Variants in NUDCD1 observed in about 807,000 individuals in gnomAD.
NUDCD1 encodes NudC domain containing 1, also known as nudC domain-containing protein 1.
Under a neutral mutation model 67.8 loss-of-function variants are expected in NUDCD1, and 60 were observed. That is an observed-to-expected ratio of 0.88 (90% CI 0.72 to 1.10). The LOEUF (loss-of-function observed/expected upper bound fraction) is 1.10, where lower values mean the gene tolerates loss of function less well. Ranked by LOEUF, NUDCD1 falls within the 50% of genes least tolerant of loss-of-function variation. The pLI is 0.00. For synonymous variants in NUDCD1, 244 were observed against 230.8 expected (o/e 1.06, Z -0.52); for missense variants, 643 against 695.0 (o/e 0.93, Z 0.84).
intron 5 of NUDCD1, among the ~76,000 whole-genome samples, chr8:109,284,008 C>A (rs112294509): frequency 0.11 from 14,557 of 127,032 alleles, 806 homozygotes; most frequent in Middle Eastern, 0.19. Flanking sequence ...AAAAAAAAAA[C>A]AAAACAAAAA....
rs16879283 is a variant in NUDCD1, at chr8:109,291,804, C to A, written c.640+1540G>T. ...ACGGGATGGAGAAGTAGAGCTGGAG[C>A]AGAGTACTGCTATGTTCTGAGGCAA... On this transcript the variant is annotated intron_variant, in intron 4 of 9. Coordinates refer to ENST00000239690, the MANE Select transcript of NUDCD1 (RefSeq NM_032869.4). Among the ~76,000 whole-genome samples the A allele has an allele frequency of 4.2e-3, 639 of 152,190 alleles. 13 individuals carry two copies. Among genetic ancestry groups the A allele is most frequent in the Admixed American group, 0.027 (406 of 15,280 alleles).
At chr8:109,286,966 A>T (rs1352548007) in intron 5 of NUDCD1, among the ~76,000 whole-genome samples, 3 of 152,160 alleles carry the variant, frequency 2.0e-5, no homozygotes, top group African/African-American at 7.2e-5. Flanking sequence ...AAAGACATGA[A>T]CAGCACTTCG....
At chr8:109,310,796 G>A (rs112819076) in intron 2 of NUDCD1, among the ~76,000 whole-genome samples, 3 of 148,516 alleles carry the variant, frequency 2.0e-5, no homozygotes, top group Middle Eastern at 3.6e-3. Flanking sequence ...GGCTAAGGAC[G>A]TGAATAGACA....
intron 2 of NUDCD1, among the ~76,000 whole-genome samples, chr8:109,298,066 C>T (rs570623354): frequency 1.3e-5 from 2 of 152,168 alleles, no homozygotes; most frequent in African/African-American, 4.8e-5. Flanking sequence ...CGAAACAGCA[C>T]CTTTCCTTCC....
rs193042893 is a variant in NUDCD1, at chr8:109,245,216, G to A, written c.1459+106C>T. 2.2e-4 allele frequency: 231 copies of A among 1,051,272 alleles called. No individual in the cohort carries two copies. In the African/African-American group the frequency reaches 3.0e-3, roughly 13 times the overall value. The allele number at this position is 1,051,272 out of a possible 1,614,324, so 65.1% of individuals were successfully genotyped here. A position where few individuals can be genotyped will look rare whatever the true frequency, so the allele number is the denominator to read the frequency against. On this transcript the variant is annotated intron_variant, in intron 9 of 9. Coordinates refer to ENST00000239690, the MANE Select transcript of NUDCD1 (RefSeq NM_032869.4). ...AATCATAGCGCAAATCAATCTAAAT[G>A]TAATCAGGACAGCTCAAATTAAAAA...
At chr8:109,291,930 A>G (rs2130025316) in intron 4 of NUDCD1, among the ~76,000 whole-genome samples, 1 of 152,252 alleles carries the variant, frequency 6.6e-6, no homozygotes, top group African/African-American at 2.4e-5. Flanking sequence ...TAAGATTTTG[A>G]ATTACGTACC....
At chr8:109,255,778 T>G (rs1813721748) in intron 8 of NUDCD1, among the ~76,000 whole-genome samples, 1 of 150,358 alleles carries the variant, frequency 6.7e-6, no homozygotes, top group Non-Finnish European at 1.5e-5. Flanking sequence ...ATAAAGAGAA[T>G]AAGAGGAATA....
At chr8:109,297,007 G>T (rs1049858793) in intron 2 of NUDCD1, among the ~76,000 whole-genome samples, 5 of 152,086 alleles carry the variant, frequency 3.3e-5, no homozygotes, top group Non-Finnish European at 7.4e-5. Flanking sequence ...TATCGTTTTG[G>T]CTATAAACTC....
In NUDCD1 at chr8:109,259,505, G is replaced by A. The variant is rs368569690; in HGVS notation, c.1299+11500C>T. ...GACAGAGAAAGGGCTCCCTGGAGGAGAAAAATGAGAGCCTTACAGGTTGAT... is the reference window on the plus strand; with the variant it reads ...GACAGAGAAAGGGCTCCCTGGAGGAAAAAAATGAGAGCCTTACAGGTTGAT... On this transcript the variant is annotated intron_variant, in intron 8 of 9. Coordinates refer to ENST00000239690, the MANE Select transcript of NUDCD1 (RefSeq NM_032869.4). 2.4e-3 allele frequency among the ~76,000 whole-genome samples: 373 copies of A among 152,282 alleles called. 6 individuals carry two copies. The South Asian group carries it at 0.031, about 13-fold the overall frequency.
intron 8 of NUDCD1, among the ~76,000 whole-genome samples, chr8:109,251,037 T>C (rs1486413617): frequency 6.6e-6 from 1 of 152,168 alleles, no homozygotes; most frequent in Non-Finnish European, 1.5e-5. Flanking sequence ...TGTAGAGAAT[T>C]GGTATTGTTT....
At chr8:109,262,645 T>C (rs1056576328) in intron 8 of NUDCD1, among the ~76,000 whole-genome samples, 37 of 152,184 alleles carry the variant, frequency 2.4e-4, no homozygotes, top group Non-Finnish European at 1.5e-5. Flanking sequence ...CAATCAATCA[T>C]GGCTCAACTA....
At chr8:109,278,108 A>G (rs957199496) in intron 6 of NUDCD1, among the ~76,000 whole-genome samples, 2 of 152,218 alleles carry the variant, frequency 1.3e-5, no homozygotes, top group Admixed American at 6.5e-5. Context: ...GTTATCCTCT[A>G]TGTAACATCA....
intron 4 of NUDCD1, among the ~76,000 whole-genome samples, chr8:109,291,236 G>C (rs1001540331): frequency 2.6e-5 from 4 of 152,146 alleles, no homozygotes; most frequent in African/African-American, 9.7e-5. Flanking sequence ...GCTCACTGTA[G>C]CCTCAAACTC....
intron 2 of NUDCD1, among the ~76,000 whole-genome samples, chr8:109,317,244 T>A (rs899664588): frequency 6.6e-6 from 1 of 152,188 alleles, no homozygotes; most frequent in African/African-American, 2.4e-5. Context: ...CCAGGAGCAG[T>A]TGCTCATGCC....
rs556027361 is a variant in NUDCD1 at position 109,248,749 on chromosome 8, A to C, written c.1300-3268T>G. On this transcript the variant is annotated intron_variant, in intron 8 of 9. Transcript: ENST00000239690. ...AAAAAAAAAGGTCCACATTGCCTTA[A>C]ATGGCATTTTGAAAGCTTTTCGAAA... is the stretch of plus-strand genomic sequence containing the variant. 1.1e-3 allele frequency among the ~76,000 whole-genome samples: 167 copies of C among 152,140 alleles called. 1 individual carries two copies. The highest frequency in any genetic ancestry group is 3.9e-3 in the African/African-American group (163 of 41,544).
At chr8:109,276,035 T>C (rs938873418) in intron 6 of NUDCD1, among the ~76,000 whole-genome samples, 1 of 152,146 alleles carries the variant, frequency 6.6e-6, no homozygotes, top group Non-Finnish European at 1.5e-5. Context: ...AGATGTTAAA[T>C]AACTGAAAAG....
intron 5 of NUDCD1, among the ~76,000 whole-genome samples, chr8:109,286,001 T>C (rs1316166017): frequency 6.6e-6 from 1 of 151,900 alleles, no homozygotes; most frequent in African/African-American, 2.4e-5. Flanking sequence ...TACAAACCAA[T>C]AATGTTCAAG....
chr8:109,269,007 C>T (rs1184653895), intron 8 of NUDCD1, among the ~76,000 whole-genome samples: 2 of 152,128 alleles, frequency 1.3e-5, no homozygotes, highest in Non-Finnish European at 2.9e-5. Flanking sequence ...ACTGCTTACT[C>T]TTCAATTAGA....
At chr8:109,272,563 T>C (rs749367745) in intron 7 of NUDCD1, among the ~76,000 whole-genome samples, 2 of 152,180 alleles carry the variant, frequency 1.3e-5, no homozygotes, top group Non-Finnish European at 2.9e-5. Flanking sequence ...AGGATCACAA[T>C]AATTAAGGAA....
Sources: allele counts gnomAD v4.1 joint callset (sites outside exome capture counted in the v4.1 genomes callset), GRCh38; gene constraint gnomAD v4.1.1; transcripts MANE v1.5; gene names NCBI Gene and HGNC (gene_info 2026-07-23, HGNC 2026-07-21).